CSNK1G2: variants seen among roughly 807,000 people sequenced by gnomAD.
CSNK1G2 encodes casein kinase I isoform gamma-2.
In CSNK1G2, 11 loss-of-function variants were observed where a neutral mutation model predicts 48.0. The observed-to-expected ratio is 0.23, with a 90% CI of 0.14 to 0.38. The LOEUF (loss-of-function observed/expected upper bound fraction) is 0.38, where lower values mean the gene tolerates loss of function less well. Among genes scored for constraint, CSNK1G2 ranks in the 10% least tolerant of loss-of-function variants. The pLI is 1.00. For synonymous variants in CSNK1G2, 337 were observed against 254.1 expected, an observed-to-expected ratio of 1.33 and a Z score of -3.10; for missense variants, 446 against 595.5, an observed-to-expected ratio of 0.75 and a Z score of 2.61.
chr19:1,966,008 A>C (rs1270360573), intron 1 of CSNK1G2, among the ~76,000 whole-genome samples: 2 of 152,156 alleles, frequency 1.3e-5, no homozygotes, highest in Non-Finnish European at 2.9e-5. Context: ...TGTGTTGCCC[A>C]GGCTGGTCTT....
In CSNK1G2 at chr19:1,980,224, C is replaced by CTGAATCTTCTCCGTGCAGCCCCT; in HGVS notation, c.*24_*46dup. 1.2e-6 allele frequency: 2 copies of CTGAATCTTCTCCGTGCAGCCCCT among 1,612,510 alleles called. No individual in the cohort carries two copies. The highest frequency in any genetic ancestry group is 1.7e-6 in the Non-Finnish European group (2 of 1,179,626). ...AGTGACCCTGGGCGCGTGCAGCCCCCTGAATCTTCTCCGTGCAGCCCCTTG... is the reference window on the plus strand; with the variant it reads ...AGTGACCCTGGGCGCGTGCAGCCCCCTGAATCTTCTCCGTGCAGCCCCTTGAATCTTCTCCGTGCAGCCCCTTG... On this transcript the variant is annotated 3_prime_UTR_variant, in exon 12 of 12. Coordinates refer to ENST00000255641, the MANE Select transcript of CSNK1G2 (RefSeq NM_001319.7).
intron 1 of CSNK1G2, among the ~76,000 whole-genome samples, chr19:1,947,719 C>T (rs1226064680): frequency 6.6e-6 from 1 of 152,236 alleles, no homozygotes. Flanking sequence ...TGGGACAGGG[C>T]TTGCGACCGC....
intron 2 of CSNK1G2, chr19:1,975,697 T>G: frequency 1.0e-6 from 1 of 982,562 alleles, no homozygotes; most frequent in South Asian, 4.7e-5. Context: ...GGCAGTGTCC[T>G]GAGCTCTAAA....
chr19:1,942,041 TGAG>T (rs2014385306), intron 1 of CSNK1G2, among the ~76,000 whole-genome samples: 2 of 151,870 alleles, frequency 1.3e-5, no homozygotes, highest in South Asian at 2.1e-4. Flanking sequence ...CTAAAGCTCT[TGAG>T]GGGGAGAGCA....
chr19:1,961,023 G>A (rs2015181330), intron 1 of CSNK1G2, among the ~76,000 whole-genome samples: 1 of 152,226 alleles, frequency 6.6e-6, no homozygotes, highest in Non-Finnish European at 1.5e-5. Context: ...CGGGGCGTGG[G>A]CAGAGGAGAG....
chr19:1,960,412 G>A (rs540507581), intron 1 of CSNK1G2, among the ~76,000 whole-genome samples: 12 of 152,222 alleles, frequency 7.9e-5, no homozygotes, highest in Non-Finnish European at 1.5e-4. Context: ...AAGGCAGGCA[G>A]TGTGGCGCGA....
rs578200620 is a variant in CSNK1G2, at chr19:1,950,553, G to A, written c.-266+9135G>A. On this transcript the variant is annotated intron_variant, in intron 1 of 11. Coordinates refer to ENST00000255641, the MANE Select transcript of CSNK1G2 (RefSeq NM_001319.7). ...ACAAACCTCAGATTCCAGGAGATGAGCACCGTCCGCTTTCCAGAGAAAATT... is the reference window on the plus strand; with the variant it reads ...ACAAACCTCAGATTCCAGGAGATGAACACCGTCCGCTTTCCAGAGAAAATT... Among the ~76,000 whole-genome samples, 144 of 147,010 alleles carry A rather than the reference G, an allele frequency of 9.8e-4. 21 individuals are homozygous for A. The highest frequency in any genetic ancestry group is 3.6e-3 in the African/African-American group (140 of 38,562).
In CSNK1G2 at chr19:1,980,618, TC is replaced by T. The variant is rs1417534019; in HGVS notation, c.*416del. On this transcript the variant is annotated 3_prime_UTR_variant, in exon 12 of 12. Transcript: ENST00000255641. ...CGTCATAAAGTCCAGCTTGTCTCCC[TC>T]GATCCAAAGGCCGTTTTCTCGAGGG... The T allele has an allele frequency of 4.3e-6, 1 of 231,136 alleles. No homozygotes were observed. Among genetic ancestry groups the T allele is most frequent in the African/African-American group, 2.4e-5 (1 of 42,362 alleles). The allele number at this position is 231,136 out of a possible 1,614,324, so 14.3% of individuals were successfully genotyped here.
In CSNK1G2 at chr19:1,974,032, C is replaced by T. The variant is rs932671964; in HGVS notation, c.187+4073C>T. On this transcript the variant is annotated intron_variant, in intron 2 of 11. Transcript: ENST00000255641. ...CCTCCCGAGTAGCTGGGATTACAGG[C>T]GCCCGTCACCACACCCAGCTAATTT... 6.6e-5 allele frequency among the ~76,000 whole-genome samples: 10 copies of T among 152,160 alleles called. No homozygotes were observed. In the East Asian group the frequency reaches 9.7e-4, roughly 15 times the overall value.
intron 1 of CSNK1G2, among the ~76,000 whole-genome samples, chr19:1,948,104 G>A (rs942846562): frequency 6.6e-6 from 1 of 152,160 alleles, no homozygotes; most frequent in Non-Finnish European, 1.5e-5. Context: ...GGGCGGCCCC[G>A]CCCTGGGCTC....
chr19:1,950,213 C>T (rs1375572730), intron 1 of CSNK1G2, among the ~76,000 whole-genome samples: 1 of 152,098 alleles, frequency 6.6e-6, no homozygotes, highest in African/African-American at 2.4e-5. Flanking sequence ...GAGCTCTGCT[C>T]ACTGCAAGCT....
At position 1,980,642 on chromosome 19, in the gene CSNK1G2, G is replaced by C; in HGVS notation, c.*439G>C. 4.5e-6 allele frequency: 1 copy of C among 222,660 alleles called. No individual in the cohort carries two copies. Among genetic ancestry groups the C allele is most frequent in the Non-Finnish European group, 9.2e-6 (1 of 109,210 alleles). 13.8% of individuals were successfully genotyped at this position (222,660 alleles called of 1,614,324 possible). ...CTCGATCCAAAGGCCGTTTTCTCGA[G>C]GGGAGGGCAGGCCCGGCCTGGAGGG... On this transcript the variant is annotated 3_prime_UTR_variant, in exon 12 of 12. Transcript: ENST00000255641.
intron 8 of CSNK1G2, 30 bp from the exon 9 acceptor site, chr19:1,979,452 CACCCCCACCCCCG>C: frequency 1.1e-6 from 1 of 876,852 alleles, no homozygotes; most frequent in Non-Finnish European, 1.7e-6. Flanking sequence ...CCCCACCCCC[CACCCCCACCCCCG>C]CCGAGGCCCC....
chr19:1,977,750 CAAAAAAAAAA>C, intron 2 of CSNK1G2, among the ~76,000 whole-genome samples: 1 of 83,052 alleles, frequency 1.2e-5, no homozygotes, highest in Non-Finnish European at 2.5e-5. Context: ...GACACCGTCT[CAAAAAAAAAA>C]AAAAAAAAAA....
intron 1 of CSNK1G2, among the ~76,000 whole-genome samples, chr19:1,966,977 C>T (rs557305181): frequency 1.3e-5 from 2 of 152,202 alleles, no homozygotes; most frequent in East Asian, 3.9e-4. Flanking sequence ...CTCAAACGAT[C>T]CTCCCGCCTC....
At chr19:1,946,282 ATTTATTTT>A (rs1231724564) in intron 1 of CSNK1G2, among the ~76,000 whole-genome samples, 1 of 140,624 alleles carries the variant, frequency 7.1e-6, no homozygotes, top group African/African-American at 2.5e-5. Context: ...TTATTTATTT[ATTTATTTT>A]TTATTTATTT....
At chr19:1,941,781 A>AC (rs1224510567) in intron 1 of CSNK1G2, among the ~76,000 whole-genome samples, 7 of 90,900 alleles carry the variant, frequency 7.7e-5, no homozygotes, top group Non-Finnish European at 1.2e-4. Flanking sequence ...CGCTCCAGTG[A>AC]CCCCCCCACT....
intron 1 of CSNK1G2, among the ~76,000 whole-genome samples, chr19:1,948,487 C>T (rs1477498594): frequency 1.5e-5 from 2 of 130,292 alleles, no homozygotes; most frequent in African/African-American, 5.7e-5. Context: ...CGCGCCATTG[C>T]ACTCCATGTG....
At chr19:1,946,302 T>TTATTTATTTA (rs2014560163) in intron 1 of CSNK1G2, among the ~76,000 whole-genome samples, 1 of 150,202 alleles carries the variant, frequency 6.7e-6, no homozygotes, top group East Asian at 1.9e-4. Flanking sequence ...TATTTATTTA[T>TTATTTATTTA]TTTTTTTAAG....
Sources: gnomAD v4.1 joint callset for allele counts (sites outside exome capture counted in the v4.1 genomes callset) on GRCh38, gnomAD v4.1.1 for gene constraint, MANE v1.5 for transcripts, NCBI Gene and HGNC (gene_info 2026-07-23, HGNC 2026-07-21) for gene names.